SENP5: variants seen among roughly 807,000 people sequenced by gnomAD.
The protein encoded by SENP5 is sentrin-specific protease 5.
In SENP5, 21 loss-of-function variants were observed where a neutral mutation model predicts 74.2. That is an observed-to-expected ratio of 0.28 (90% confidence interval 0.20 to 0.41). The LOEUF (loss-of-function observed/expected upper bound fraction) is 0.41, where lower values mean the gene tolerates loss of function less well. Ranked by LOEUF, SENP5 falls within the 10% of genes least tolerant of loss-of-function variation. The probability of loss-of-function intolerance (pLI) is 1.00; values close to 1 mark genes in which losing one functional copy is unlikely to be tolerated. For missense variants in SENP5, 717 were observed against 889.1 expected (o/e 0.81, Z 2.46); for synonymous variants, 311 against 312.7 (o/e 0.99, Z 0.06).
chr3:196,887,260 A>G (rs1714012561), intron 2 of SENP5, among the ~76,000 whole-genome samples: 2 of 151,540 alleles, frequency 1.3e-5, no homozygotes, highest in African/African-American at 2.4e-5. Context: ...GCTCACCACA[A>G]CCTCCACCTC....
In SENP5 at chr3:196,931,972, A is replaced by G. The variant is rs1716053676; in HGVS notation, c.*1049A>G. 2.2e-6 allele frequency: 1 copy of G among 447,660 alleles called. No individual in the cohort carries two copies. The highest frequency in any genetic ancestry group is 4.5e-6 in the Non-Finnish European group (1 of 223,716). 27.7% of individuals were successfully genotyped at this position (447,660 alleles called of 1,614,324 possible). ...AACTTAGTCCCATGGGAGCGCAGCA[A>G]CCGTGTCAGGTTCTTTCTCCTGTCC... On this transcript the variant is annotated 3_prime_UTR_variant, in exon 10 of 10. Transcript: ENST00000323460.
chr3:196,883,858 AT>A (rs1713832093), intron 1 of SENP5, among the ~76,000 whole-genome samples: 1 of 151,880 alleles, frequency 6.6e-6, no homozygotes, highest in Admixed American at 6.6e-5. Context: ...CTGGCTAATT[AT>A]TTTTGTATTT....
At chr3:196,907,453 CAAA>C (rs71623311) in intron 6 of SENP5, among the ~76,000 whole-genome samples, 2 of 115,350 alleles carry the variant, frequency 1.7e-5, no homozygotes, top group Non-Finnish European at 1.7e-5. Flanking sequence ...GACTCCGTCT[CAAA>C]AAAAAAAAAA....
At chr3:196,923,935 C>G (rs1364800383) in intron 7 of SENP5, among the ~76,000 whole-genome samples, 3 of 152,164 alleles carry the variant, frequency 2.0e-5, no homozygotes, top group Non-Finnish European at 2.9e-5. Context: ...AGCTAATAAA[C>G]AGATGGTGGG....
intron 7 of SENP5, among the ~76,000 whole-genome samples, chr3:196,926,277 A>G (rs1477676424): frequency 6.6e-6 from 1 of 152,064 alleles, no homozygotes; most frequent in Non-Finnish European, 1.5e-5. Context: ...AGGTCAAGAG[A>G]TAGAGACCAG....
At chr3:196,915,078 G>A (rs761732667) in intron 6 of SENP5, among the ~76,000 whole-genome samples, 16 of 152,196 alleles carry the variant, frequency 1.1e-4, no homozygotes, top group Non-Finnish European at 1.5e-4. Context: ...CCGCCCCAGC[G>A]GTAGGAACCT....
rs1264173996 is a variant in SENP5, at chr3:196,910,713, G to GA, written c.1884+7109dup. ...ACCATTGGCATTCTTCACAGAATTA[G>GA]AAAAAACTACTTTAAAATTCATATG... is the stretch of plus-strand genomic sequence containing the variant. On this transcript the variant is annotated intron_variant, in intron 6 of 9. Coordinates refer to ENST00000323460, the MANE Select transcript of SENP5 (RefSeq NM_152699.5). 1.7e-4 allele frequency among the ~76,000 whole-genome samples: 26 copies of GA among 152,002 alleles called. No individual in the cohort carries two copies. The East Asian group carries it at 3.7e-3, about 21-fold the overall frequency.
chr3:196,928,537 G>C (rs1715902129), intron 8 of SENP5, among the ~76,000 whole-genome samples: 1 of 152,184 alleles, frequency 6.6e-6, no homozygotes, highest in Non-Finnish European at 1.5e-5. Context: ...TTGTAAATGA[G>C]AAAACTGAAG....
At chr3:196,923,038 C>T (rs934826974) in intron 6 of SENP5, among the ~76,000 whole-genome samples, 1 of 152,130 alleles carries the variant, frequency 6.6e-6, no homozygotes, top group Admixed American at 6.5e-5. Flanking sequence ...CAGGTGTGAG[C>T]CACCGTGCCT....
intron 1 of SENP5, among the ~76,000 whole-genome samples, chr3:196,869,616 C>T (rs1336426934): frequency 6.6e-6 from 1 of 151,424 alleles, no homozygotes; most frequent in African/African-American, 2.4e-5. Flanking sequence ...CAAAATTAGC[C>T]AGGCGTGGTG....
chr3:196,922,290 A>C (rs955056760), intron 6 of SENP5, among the ~76,000 whole-genome samples: 2 of 152,234 alleles, frequency 1.3e-5, no homozygotes, highest in Non-Finnish European at 2.9e-5. Flanking sequence ...AGCTAAGGAA[A>C]TTACCAGTCA....
At chr3:196,905,946 C>A (rs956456913) in intron 6 of SENP5, among the ~76,000 whole-genome samples, 1 of 152,102 alleles carries the variant, frequency 6.6e-6, no homozygotes, top group Non-Finnish European at 1.5e-5. Context: ...TCACTTTGGG[C>A]CTGGGTCATG....
chr3:196,901,605 A>C (rs971609384), intron 5 of SENP5, among the ~76,000 whole-genome samples: 1 of 152,162 alleles, frequency 6.6e-6, no homozygotes, highest in African/African-American at 2.4e-5. Flanking sequence ...AAGTAACATA[A>C]ATACTAAAAA....
In SENP5 at chr3:196,885,457, G is replaced by A. The variant is rs1713915321; in HGVS notation, c.276G>A (p.Leu92=). Residue 92 remains leucine, a synonymous_variant, in exon 2 of 10, where the codon TTG becomes TTA. Coordinates refer to ENST00000323460, the MANE Select transcript of SENP5 (RefSeq NM_152699.5). ...TGGCTACTCAAAATGTTAGTACTTT[G>A]TCCTCTAAAGTGAAAAGAAAGGACG... The part of the protein sequence containing the change: ...FNVATQNVST[L]SSKVKRKDAK... 1.2e-6 allele frequency: 2 copies of A among 1,614,126 alleles called. No homozygotes were observed. Among genetic ancestry groups the A allele is most frequent in the Non-Finnish European group, 1.7e-6 (2 of 1,180,036 alleles).
chr3:196,903,085 G>C (rs1477481122), intron 5 of SENP5, among the ~76,000 whole-genome samples: 1 of 152,060 alleles, frequency 6.6e-6, no homozygotes. Context: ...TAAAACTTTG[G>C]AACAGCATTT....
At chr3:196,877,485 A>G (rs1713531221) in intron 1 of SENP5, among the ~76,000 whole-genome samples, 1 of 152,180 alleles carries the variant, frequency 6.6e-6, no homozygotes, top group African/African-American at 2.4e-5. Flanking sequence ...GTGCCCGGCC[A>G]CTATCTCGCT....
intron 6 of SENP5, among the ~76,000 whole-genome samples, chr3:196,915,999 C>A (rs796233894): frequency 1.9e-4 from 29 of 152,192 alleles, no homozygotes; most frequent in African/African-American, 6.5e-4. Flanking sequence ...TCTTGATTGC[C>A]CAGACGTCGA....
chr3:196,871,862 A>T (rs1310885785), intron 1 of SENP5, among the ~76,000 whole-genome samples: 2 of 152,138 alleles, frequency 1.3e-5, no homozygotes, highest in Non-Finnish European at 2.9e-5. Flanking sequence ...CTCCAAAAAA[A>T]AAAAAAAAAA....
intron 1 of SENP5, among the ~76,000 whole-genome samples, chr3:196,878,815 C>T (rs1219549475): frequency 6.6e-6 from 1 of 152,162 alleles, no homozygotes; most frequent in East Asian, 1.9e-4. Flanking sequence ...TGGTCTCGAA[C>T]TCCTGACCTC....
Sources: allele counts gnomAD v4.1 joint callset (sites outside exome capture counted in the v4.1 genomes callset), GRCh38; gene constraint gnomAD v4.1.1; transcripts MANE v1.5; gene names NCBI Gene and HGNC (gene_info 2026-07-23, HGNC 2026-07-21).